The following ZNF207 variants were observed in gnomAD, a reference collection of about 807,000 sequenced individuals.
The protein encoded by ZNF207 is zinc finger protein 207, also known as BUB3-interacting and GLEBS motif-containing protein ZNF207.
In ZNF207, 24 loss-of-function variants were observed where a neutral mutation model predicts 60.2. That is an observed-to-expected ratio of 0.40 (90% CI 0.29 to 0.56). The LOEUF is 0.56. Ranked by LOEUF, ZNF207 falls within the 20% of genes least tolerant of loss-of-function variation. ZNF207 has a pLI of 0.49. For synonymous variants in ZNF207, 236 were observed against 194.7 expected (o/e 1.21, Z -1.77); for missense variants, 452 against 636.6 (o/e 0.71, Z 3.12).
chr17:32,354,721 C>A (rs540405836), intron 2 of ZNF207, among the ~76,000 whole-genome samples: 1 of 152,088 alleles, frequency 6.6e-6, no homozygotes, highest in Admixed American at 6.6e-5. Flanking sequence ...TCAAGCAATT[C>A]TCCTGCCTCA....
chr17:32,350,172 T>C lies in ZNF207; in HGVS notation c.-114T>C. The C allele has an allele frequency of 6.5e-7, 1 of 1,533,280 alleles. No individual in the cohort carries two copies. Among genetic ancestry groups the C allele is most frequent in the Non-Finnish European group, 9.0e-7 (1 of 1,110,528 alleles). 95.0% of individuals were successfully genotyped at this position (1,533,280 alleles called of 1,614,324 possible). ...GAACGAGGCCGTCGGCCATTTTGTGTCTGCTTCCTGTGGGACGTGGTGGTA... is the reference window on the plus strand; with the variant it reads ...GAACGAGGCCGTCGGCCATTTTGTGCCTGCTTCCTGTGGGACGTGGTGGTA... On this transcript the variant is annotated 5_prime_UTR_variant, in exon 1 of 12. Coordinates refer to ENST00000394670, the MANE Select transcript of ZNF207 (RefSeq NM_001098507.2).
In ZNF207 at chr17:32,367,167, A is replaced by T. The variant is rs181716161; in HGVS notation, c.921+410A>T. The stretch of plus-strand genomic sequence containing the variant: ...ACATATTTGTTACTGATAACTTGCT[A>T]CTTTAAAAGATCCTGCTAAATTAAC... On this transcript the variant is annotated intron_variant, in intron 9 of 11. Transcript: ENST00000394670. Among the ~76,000 whole-genome samples, 3 of 147,780 alleles carry T rather than the reference A, an allele frequency of 2.0e-5. No homozygotes were observed. The East Asian group carries it at 6.1e-4, about 30-fold the overall frequency.
Position 32,373,139 on chromosome 17 carries a change from T to C in ZNF207, c.*3380T>C, listed in dbSNP as rs1905541604. On this transcript the variant is annotated 3_prime_UTR_variant, in exon 12 of 12. Transcript: ENST00000394670. ...TTGCCATTAGGTATGAATAAAATAT[T>C]CCTACTGTACTCCTATTCCACTAAG... The C allele has an allele frequency of 2.9e-6, 1 of 347,784 alleles. No homozygotes were observed. Among genetic ancestry groups the C allele is most frequent in the South Asian group, 9.6e-5 (1 of 10,374 alleles). The allele number at this position is 347,784 out of a possible 1,614,324, so 21.5% of individuals were successfully genotyped here.
intron 2 of ZNF207, among the ~76,000 whole-genome samples, chr17:32,356,919 A>G (rs1904539306): frequency 6.6e-6 from 1 of 152,204 alleles, no homozygotes; most frequent in Non-Finnish European, 1.5e-5. Context: ...ATGGTGGCTC[A>G]CCTCTGTAAC....
intron 2 of ZNF207, among the ~76,000 whole-genome samples, chr17:32,355,415 C>T (rs759715920): frequency 3.3e-5 from 5 of 151,920 alleles, no homozygotes; most frequent in Non-Finnish European, 5.9e-5. Flanking sequence ...GAGCATATGA[C>T]GAGATGTGAA....
Position 32,369,337 on chromosome 17 carries a change from C to A in ZNF207, c.1207C>A (p.Pro403Thr). Residue 403 changes from proline (P) to threonine (T), a missense_variant, in exon 11 of 12, where the codon CCT becomes ACT. By Grantham distance (38) the Pro-to-Thr change is conservative (BLOSUM62 -1). Transcript: ENST00000394670. ...GTTACCTAAGTATCAACGTAATCTTCCTCGGCCAGGACAGGCCCCCATCGG... is the reference window on the plus strand; with the variant it reads ...GTTACCTAAGTATCAACGTAATCTTACTCGGCCAGGACAGGCCCCCATCGG... Reference protein sequence around the residue: ...AQLPKYQRNLPRPGQAPIGNP... With the variant: ...AQLPKYQRNLTRPGQAPIGNP... 1.9e-6 allele frequency: 3 copies of A among 1,614,098 alleles called. No individual in the cohort carries two copies. Among genetic ancestry groups the A allele is most frequent in the Non-Finnish European group, 2.5e-6 (3 of 1,180,010 alleles).
chr17:32,356,226 C>G (rs1388049462), intron 2 of ZNF207, among the ~76,000 whole-genome samples: 2 of 152,056 alleles, frequency 1.3e-5, no homozygotes, highest in African/African-American at 2.4e-5. Context: ...TGGCAGGGTC[C>G]CAAGAAATCT....
rs1453130911 is a variant in ZNF207, at chr17:32,377,689, A to G, written c.*7930A>G. The G allele has an allele frequency of 1.3e-5, 2 of 151,896 alleles. No homozygotes were observed. Among genetic ancestry groups the G allele is most frequent in the South Asian group, 2.1e-4 (1 of 4,834 alleles). The allele number at this position is 151,896 out of a possible 1,614,324, so 9.4% of individuals were successfully genotyped here. ...AATCAAAATTTCTATCACAGTTCACATACTGGAATACATAGTAAAATTGAG... is the reference window on the plus strand; with the variant it reads ...AATCAAAATTTCTATCACAGTTCACGTACTGGAATACATAGTAAAATTGAG... On this transcript the variant is annotated 3_prime_UTR_variant, in exon 12 of 12. Coordinates refer to ENST00000394670, the MANE Select transcript of ZNF207 (RefSeq NM_001098507.2).
intron 5 of ZNF207, 151 bp downstream of exon 5, chr17:32,361,118 T>A: frequency 1.2e-6 from 1 of 825,394 alleles, no homozygotes; most frequent in Non-Finnish European, 1.9e-6. Context: ...GATCAACCAG[T>A]AAATTTAAGG....
intron 7 of ZNF207, among the ~76,000 whole-genome samples, chr17:32,363,308 G>C (rs1904989140): frequency 6.6e-6 from 1 of 151,842 alleles, no homozygotes; most frequent in Non-Finnish European, 1.5e-5. Context: ...GGTTGGTCTT[G>C]AACTTCTGAC....
intron 5 of ZNF207, 111 bp downstream of exon 5, chr17:32,361,078 A>T: frequency 9.1e-7 from 1 of 1,097,992 alleles, no homozygotes; most frequent in South Asian, 1.4e-5. Context: ...TCTAGAAGGT[A>T]TGGGCTCTAT....
intron 2 of ZNF207, among the ~76,000 whole-genome samples, chr17:32,354,856 C>G (rs1481331653): frequency 6.6e-6 from 1 of 151,998 alleles, no homozygotes; most frequent in East Asian, 1.9e-4. Flanking sequence ...CCTCCTGATC[C>G]ACCTTCCTTG....
intron 3 of ZNF207, among the ~76,000 whole-genome samples, chr17:32,360,325 G>A (rs954369077): frequency 6.6e-6 from 1 of 152,016 alleles, no homozygotes; most frequent in Non-Finnish European, 1.5e-5. Context: ...TGTACAGCCT[G>A]CATCGCAGAG....
At position 32,372,478 on chromosome 17, in the gene ZNF207, A is replaced by G. The variant is rs1223891731; in HGVS notation, c.*2719A>G. 6.6e-6 allele frequency: 1 copy of G among 152,208 alleles called. No individual in the cohort carries two copies. The highest frequency in any genetic ancestry group is 2.4e-5 in the African/African-American group (1 of 41,456). 9.4% of individuals were successfully genotyped at this position (152,208 alleles called of 1,614,324 possible). ...GCAAAGAAGGTTGATACTTTGTAGC[A>G]AGGTTTTTTGCTCTCTGTATAGGTC... is the stretch of plus-strand genomic sequence containing the variant. On this transcript the variant is annotated 3_prime_UTR_variant, in exon 12 of 12. Transcript: ENST00000394670.
intron 1 of ZNF207, 165 bp downstream of exon 1, chr17:32,350,491 G>C: frequency 1.2e-6 from 1 of 817,794 alleles, no homozygotes; most frequent in South Asian, 1.6e-5. Flanking sequence ...CTAGGAAAAT[G>C]GGGTTCCGAG....
At chr17:32,357,385 C>T (rs1316900872) in intron 2 of ZNF207, among the ~76,000 whole-genome samples, 1 of 136,210 alleles carries the variant, frequency 7.3e-6, no homozygotes, top group Non-Finnish European at 1.5e-5. Flanking sequence ...ATCTCGCTCT[C>T]TTGCCCAGGC....
chr17:32,351,362 C>T (rs1007584949), intron 1 of ZNF207: 3 of 895,588 alleles, frequency 3.3e-6, no homozygotes, highest in African/African-American at 1.7e-5. Flanking sequence ...CTAAATATTG[C>T]TAAATTCCTA....
intron 2 of ZNF207, 61 bp from the exon 3 acceptor site, chr17:32,358,442 T>C: frequency 6.8e-7 from 1 of 1,479,432 alleles, no homozygotes; most frequent in Non-Finnish European, 9.0e-7. Flanking sequence ...TAAGCAGTCT[T>C]TGATTAACTT....
At position 32,359,658 on chromosome 17, in the gene ZNF207, T is replaced by C. The variant is rs190822217; in HGVS notation, c.308-940T>C. Reference sequence around the variant, plus strand: ...TGGCTCACACCTGTAATCCCAGCACTATGGGCAGGCAGTGCAGGAAAATTG... The same window carrying C: ...TGGCTCACACCTGTAATCCCAGCACCATGGGCAGGCAGTGCAGGAAAATTG... On this transcript the variant is annotated intron_variant, in intron 3 of 11. Transcript: ENST00000394670. 2.9e-3 allele frequency among the ~76,000 whole-genome samples: 443 copies of C among 152,146 alleles called. 2 individuals are homozygous for C. The highest frequency in any genetic ancestry group is 5.0e-3 in the Non-Finnish European group (341 of 67,984).
Sources: gnomAD v4.1 joint callset for allele counts (sites outside exome capture counted in the v4.1 genomes callset) on GRCh38, gnomAD v4.1.1 for gene constraint, MANE v1.5 for transcripts, NCBI Gene and HGNC (gene_info 2026-07-23, HGNC 2026-07-21) for gene names.